ARHGAP35: variants seen among roughly 807,000 people sequenced by gnomAD.
ARHGAP35 encodes the protein rho GTPase-activating protein 35.
In ARHGAP35, 15 loss-of-function variants were observed where a neutral mutation model predicts 111.1. The observed-to-expected ratio is 0.13, with a 90% CI of 0.09 to 0.21. The LOEUF (loss-of-function observed/expected upper bound fraction) is 0.21. ARHGAP35 is among the 10% of genes least tolerant of loss of function. The pLI is 1.00. For synonymous variants in ARHGAP35, 643 were observed against 710.3 expected (o/e 0.91, Z 1.51); for missense variants, 1,262 against 1,873.0 (o/e 0.67, Z 6.02).
intron 3 of ARHGAP35, among the ~76,000 whole-genome samples, chr19:46,963,345 TG>T (rs1289075641): frequency 5.9e-5 from 9 of 152,212 alleles, no homozygotes; most frequent in African/African-American, 2.2e-4. Flanking sequence ...CACATCTGCG[TG>T]GGGTGCCTTA....
At chr19:46,959,028 C>T (rs1376923438) in intron 3 of ARHGAP35, among the ~76,000 whole-genome samples, 1 of 138,544 alleles carries the variant, frequency 7.2e-6, no homozygotes, top group East Asian at 2.0e-4. Context: ...AAACGAAGTA[C>T]AGTTAAGTAA....
rs1302688259 is a variant in ARHGAP35 at position 46,918,112 on chromosome 19, G to A, written c.-188-376G>A. 6.6e-6 allele frequency among the ~76,000 whole-genome samples: 1 copy of A among 152,154 alleles called. No homozygotes were observed. Among genetic ancestry groups the A allele is most frequent in the Non-Finnish European group, 1.5e-5 (1 of 68,024 alleles). On this transcript the variant is annotated intron_variant, in intron 1 of 6. Coordinates refer to ENST00000672722, the MANE Select transcript of ARHGAP35 (RefSeq NM_004491.5). This position sits in a 1 kb window ranked among gnomAD's most constrained non-coding sequence, Gnocchi z 5.4. ...AGTTGGCCAGTGGGAGCCCCTTCAG[G>A]CTGGCTTCTGTGTCCTTGTGAGATG...
chr19:46,938,212 A>G (rs921375483), intron 3 of ARHGAP35, among the ~76,000 whole-genome samples: 1 of 152,176 alleles, frequency 6.6e-6, no homozygotes, highest in Non-Finnish European at 1.5e-5. Flanking sequence ...CTACAGTGGT[A>G]TTAAGTATTG....
At chr19:46,971,153 A>AT (rs1425080996) in intron 3 of ARHGAP35, among the ~76,000 whole-genome samples, 1 of 152,130 alleles carries the variant, frequency 6.6e-6, no homozygotes, top group Admixed American at 6.6e-5. Flanking sequence ...GACGCCTATA[A>AT]TGCCAGCACT....
At chr19:46,861,576 G>T (rs2055827811) in intron 1 of ARHGAP35, among the ~76,000 whole-genome samples, 1 of 146,376 alleles carries the variant, frequency 6.8e-6, no homozygotes. Context: ...CCTCCATAAT[G>T]CCCTTCGCTC....
intron 2 of ARHGAP35, among the ~76,000 whole-genome samples, chr19:46,923,356 C>T (rs1179599033): frequency 7.2e-5 from 11 of 151,988 alleles, no homozygotes; most frequent in Non-Finnish European, 1.3e-4. Flanking sequence ...CATCGTGATC[C>T]GCCCGCCTTG....
intron 1 of ARHGAP35, among the ~76,000 whole-genome samples, chr19:46,876,049 C>G (rs953759956): frequency 2.0e-5 from 3 of 152,088 alleles, no homozygotes; most frequent in African/African-American, 7.3e-5. Flanking sequence ...CTGCACCCTC[C>G]GACAAGGCCC....
At chr19:46,998,703 G>A (rs1475070630) in intron 5 of ARHGAP35, among the ~76,000 whole-genome samples, 1 of 152,382 alleles carries the variant, frequency 6.6e-6, no homozygotes, top group Non-Finnish European at 1.5e-5. Context: ...CAGGACATTA[G>A]GATTCCATGA....
At chr19:46,895,662 C>T (rs1408788243) in intron 1 of ARHGAP35, among the ~76,000 whole-genome samples, 1 of 152,210 alleles carries the variant, frequency 6.6e-6, no homozygotes, top group Non-Finnish European at 1.5e-5. Flanking sequence ...TTCTGTTCTT[C>T]TGTGAGGCTT....
At chr19:46,911,226 T>G (rs2056136270) in intron 1 of ARHGAP35, among the ~76,000 whole-genome samples, 1 of 152,232 alleles carries the variant, frequency 6.6e-6, no homozygotes, top group Admixed American at 6.5e-5. Context: ...ATTCAAATTT[T>G]ACTTCTGCCT....
intron 3 of ARHGAP35, among the ~76,000 whole-genome samples, chr19:46,957,986 C>T (rs2056450762): frequency 6.6e-6 from 1 of 152,164 alleles, no homozygotes; most frequent in Non-Finnish European, 1.5e-5. Context: ...TCACTGCAGC[C>T]TGAAACACCT....
At chr19:46,931,351 C>T (rs1279574837) in intron 2 of ARHGAP35, among the ~76,000 whole-genome samples, 1 of 152,230 alleles carries the variant, frequency 6.6e-6, no homozygotes, top group East Asian at 1.9e-4. Context: ...TACCTATCCC[C>T]TGGCTTCCAT....
At position 46,920,093 on chromosome 19, in the gene ARHGAP35, A is replaced by G; in HGVS notation, c.1418A>G (p.Tyr473Cys). Residue 473 changes from tyrosine to cysteine, a missense_variant, in exon 2 of 7, where the codon TAC becomes TGC. Transcript: ENST00000672722. This position sits in a 1 kb window ranked among gnomAD's most constrained non-coding sequence, Gnocchi z 7.0. ...TACCAGTGGCTGGAGGAATCTGTAT[A>G]CATGGATATTTATGGCAAACACCAA... ...DFYQWLEESV[Y>C]MDIYGKHQKQ... 6.2e-7 allele frequency: 1 copy of G among 1,613,950 alleles called. No homozygotes were observed. The highest frequency in any genetic ancestry group is 8.5e-7 in the Non-Finnish European group (1 of 1,179,864).
chr19:46,894,003 A>G (rs2056040286), intron 1 of ARHGAP35, among the ~76,000 whole-genome samples: 1 of 143,056 alleles, frequency 7.0e-6, no homozygotes, highest in Admixed American at 7.2e-5. Context: ...CTGATTTGGG[A>G]TTTTTTTTTA....
intron 3 of ARHGAP35, among the ~76,000 whole-genome samples, chr19:46,940,769 G>T (rs2056342100): frequency 6.6e-6 from 1 of 152,034 alleles, no homozygotes; most frequent in Non-Finnish European, 1.5e-5. Context: ...CTTTGTTTTA[G>T]TTTTTTGGAT....
In ARHGAP35 at chr19:46,919,025, T is replaced by C; in HGVS notation, c.350T>C (p.Ile117Thr). 6.2e-7 allele frequency: 1 copy of C among 1,613,902 alleles called. No homozygotes were observed. The highest frequency in any genetic ancestry group is 1.1e-5 in the South Asian group (1 of 91,074). The change falls in exon 2 of 7, where the codon ATC becomes ACC. Residue 117 changes from isoleucine to threonine, a missense_variant. Ile to Thr is a moderately conservative substitution (Grantham distance 89). This residue lies in a region of ARHGAP35 where 125 missense variants were observed against 301.7 expected (regional missense o/e 0.41). Transcript: ENST00000672722. The surrounding 1 kb of genome is among the most constrained non-coding windows in gnomAD (Gnocchi z 6.2). ...CGAAGCACGGCCCTGCAGCCCTATA[T>C]CAAGAGAGCTGCTGCGACCAAGCTT... Reference protein sequence around the residue: ...PHRSTALQPYIKRAAATKLAS... With the variant: ...PHRSTALQPYTKRAAATKLAS...
chr19:46,985,387 C>T (rs2056643531), intron 3 of ARHGAP35, among the ~76,000 whole-genome samples: 1 of 152,186 alleles, frequency 6.6e-6, no homozygotes, highest in African/African-American at 2.4e-5. Context: ...GTCTGTACCC[C>T]AGCCTGGTGG....
chr19:46,969,095 TAGAA>T (rs1266061116), intron 3 of ARHGAP35, among the ~76,000 whole-genome samples: 4 of 151,296 alleles, frequency 2.6e-5, no homozygotes, highest in Non-Finnish European at 5.9e-5. Context: ...AAAAAAAAAA[TAGAA>T]AGAAGTAGAT....
intron 2 of ARHGAP35, among the ~76,000 whole-genome samples, chr19:46,923,172 T>C (rs1176212256): frequency 6.7e-6 from 1 of 149,172 alleles, no homozygotes; most frequent in African/African-American, 2.5e-5. Flanking sequence ...TGGCGCGATC[T>C]CCGCTCACTG....
Sources: gnomAD v4.1 joint callset for allele counts (sites outside exome capture counted in the v4.1 genomes callset) on GRCh38, gnomAD v4.1.1 for gene constraint, gnomAD v4.1.1 regional missense constraint, Gnocchi (gnomAD v3.1) non-coding constraint, MANE v1.5 for transcripts, NCBI Gene and HGNC (gene_info 2026-07-23, HGNC 2026-07-21) for gene names.